CFAP251: variants seen among roughly 807,000 people sequenced by gnomAD.
CFAP251 encodes the protein cilia- and flagella-associated protein 251.
A neutral mutation model predicts 126.7 loss-of-function variants in CFAP251; 93 were observed. The ratio of observed to expected loss-of-function variants is 0.73; its 90% CI spans 0.62 to 0.87. The LOEUF (loss-of-function observed/expected upper bound fraction) is 0.87. CFAP251 is among the 40% of genes least tolerant of loss of function. The pLI, the probability that CFAP251 is intolerant of heterozygous loss-of-function variation, is 0.00. For missense variants in CFAP251, 1,287 were observed against 1,389.2 expected (o/e 0.93, Z 1.17); for synonymous variants, 503 against 506.9 (o/e 0.99, Z 0.10).
At chr12:121,998,435 ATAT>A (rs1565926872) in intron 19 of CFAP251, 4 of 312 alleles carry the variant, frequency 0.013, no homozygotes, top group Admixed American at 0.042. Flanking sequence ...TTAGTGTAAT[ATAT>A]ATATATATAT....
At chr12:121,943,186 G>A (rs1223771543) in intron 7 of CFAP251, among the ~76,000 whole-genome samples, 1 of 152,044 alleles carries the variant, frequency 6.6e-6, no homozygotes, top group East Asian at 2.0e-4. Context: ...GGTGGCACAT[G>A]CCTATAGTCC....
intron 19 of CFAP251, chr12:121,992,364 T>C: frequency 1.0e-6 from 1 of 985,400 alleles, no homozygotes; most frequent in Non-Finnish European, 1.2e-6. Context: ...GTAGTGATTC[T>C]TGATCAGTCA....
intron 10 of CFAP251, among the ~76,000 whole-genome samples, chr12:121,954,609 G>A (rs957430867): frequency 1.0e-4 from 12 of 120,452 alleles, no homozygotes; most frequent in African/African-American, 3.6e-4. Context: ...GCTCCAGACT[G>A]GGTGTTAGAG....
intron 19 of CFAP251, among the ~76,000 whole-genome samples, chr12:121,976,195 G>A (rs1882454596): frequency 6.6e-6 from 1 of 151,910 alleles, no homozygotes; most frequent in Admixed American, 6.6e-5. Context: ...TTTTAGTAGA[G>A]ACGAGGCTTC....
intron 17 of CFAP251, among the ~76,000 whole-genome samples, chr12:121,970,949 T>A (rs853758): frequency 0.88 from 133,722 of 152,240 alleles, 58,900 homozygotes; most frequent in African/African-American, 0.94. Context: ...TACAGCCCCC[T>A]GGCCCCTCTG....
At chr12:121,942,841 C>T in intron 6 of CFAP251, 54 bp from the exon 7 acceptor site, 1 of 1,595,040 alleles carries the variant, frequency 6.3e-7, no homozygotes. Context: ...GTGTAAGTTA[C>T]TTCAGCAGAC....
At chr12:121,944,949 AT>A (rs1447156924) in intron 7 of CFAP251, among the ~76,000 whole-genome samples, 1 of 151,892 alleles carries the variant, frequency 6.6e-6, no homozygotes, top group Non-Finnish European at 1.5e-5. Context: ...TGCCCAGCTA[AT>A]TTTTTAATTT....
At position 121,967,051 on chromosome 12, in the gene CFAP251, GTTTA is replaced by G; in HGVS notation, c.2592_2595del (p.Phe864LeufsTer59). The G allele has an allele frequency of 6.2e-7, 1 of 1,614,172 alleles. No homozygotes were observed. Among genetic ancestry groups the G allele is most frequent in the Non-Finnish European group, 8.5e-7 (1 of 1,180,012 alleles). ...CGGAGCTACAGAAACGCTACTTGGT[GTTTA>G]TTAACAGAGACAAGGTAACAGCGCT... On this transcript the variant is annotated frameshift_variant, in exon 16 of 22. Transcript: ENST00000288912. LOFTEE classifies it high-confidence loss of function.
At chr12:121,969,086 G>C in intron 17 of CFAP251, 1 of 985,336 alleles carries the variant, frequency 1.0e-6, no homozygotes, top group Non-Finnish European at 1.2e-6. Flanking sequence ...TGACGTTGAG[G>C]AGCAAAAACA....
intron 15 of CFAP251, among the ~76,000 whole-genome samples, chr12:121,965,909 T>A (rs1882105317): frequency 6.8e-6 from 1 of 147,340 alleles, no homozygotes; most frequent in Admixed American, 6.9e-5. Flanking sequence ...AGCCTCGACC[T>A]CCCAGGCTCA....
intron 1 of CFAP251, among the ~76,000 whole-genome samples, chr12:121,920,489 C>T (rs1880123529): frequency 2.0e-5 from 3 of 151,802 alleles, no homozygotes; most frequent in Admixed American, 1.3e-4. Flanking sequence ...CTCCGCCTCC[C>T]GGGTTCACAC....
In CFAP251 at chr12:121,920,459, C is replaced by T. The variant is rs1427803717; in HGVS notation, c.-20-827C>T. Reference sequence around the variant, plus strand: ...TTGCCCAGGCTGGAGTGCAGTGGCACGATCTCGGCTCACTGCAAGCTCCGC... The same window carrying T: ...TTGCCCAGGCTGGAGTGCAGTGGCATGATCTCGGCTCACTGCAAGCTCCGC... On this transcript the variant is annotated intron_variant, in intron 1 of 21. Coordinates refer to ENST00000288912, the MANE Select transcript of CFAP251 (RefSeq NM_144668.6). Among the ~76,000 whole-genome samples the T allele has an allele frequency of 1.1e-3, 157 of 149,036 alleles. 4 individuals carry two copies. Among genetic ancestry groups the T allele is most frequent in the East Asian group, 4.1e-4 (2 of 4,870 alleles).
At chr12:121,926,366 A>C (rs1880415379) in intron 3 of CFAP251, among the ~76,000 whole-genome samples, 1 of 150,150 alleles carries the variant, frequency 6.7e-6, no homozygotes, top group Non-Finnish European at 1.5e-5. Flanking sequence ...TCACTCTATC[A>C]CCCAGACTGG....
chr12:121,964,903 A>T (rs1321222050), intron 15 of CFAP251, among the ~76,000 whole-genome samples: 1 of 151,996 alleles, frequency 6.6e-6, no homozygotes, highest in East Asian at 1.9e-4. Context: ...ACTCTGTCTT[A>T]AAAAAAATAA....
chr12:121,997,501 C>T (rs753906488), intron 19 of CFAP251: 2 of 150,370 alleles, frequency 1.3e-5, no homozygotes, highest in Non-Finnish European at 2.9e-5. Flanking sequence ...GAGCGAGATT[C>T]TGTCTCTTAA....
intron 19 of CFAP251, among the ~76,000 whole-genome samples, chr12:121,996,724 G>T (rs1475390821): frequency 1.3e-5 from 2 of 152,248 alleles, no homozygotes; most frequent in South Asian, 2.1e-4. Context: ...ATGGGCTTGG[G>T]CTCTGTAGGA....
At chr12:121,952,240 T>TAAAAAAAAAAAAAAAA (rs558861973) in intron 9 of CFAP251, among the ~76,000 whole-genome samples, 44 of 92,070 alleles carry the variant, frequency 4.8e-4, no homozygotes, top group East Asian at 7.6e-4. Context: ...TCGTTTCTAC[T>TAAAAAAAAAAAAAAAA]AAAAAAAAAA....
chr12:121,965,586 G>GA (rs879320452), intron 15 of CFAP251, among the ~76,000 whole-genome samples: 166 of 148,184 alleles, frequency 1.1e-3, no homozygotes, highest in Non-Finnish European at 1.8e-3. Context: ...TTTTAGAAAA[G>GA]AAAAAAAAAG....
intron 17 of CFAP251, chr12:121,971,693 C>A (rs1882331903): frequency 1.4e-6 from 1 of 696,314 alleles, no homozygotes; most frequent in South Asian, 1.5e-5. Flanking sequence ...CTAAGTCCAC[C>A]CCACACCTTA....
Sources: gnomAD v4.1 joint callset for allele counts (sites outside exome capture counted in the v4.1 genomes callset) on GRCh38, gnomAD v4.1.1 for gene constraint, MANE v1.5 for transcripts, NCBI Gene and HGNC (gene_info 2026-07-23, HGNC 2026-07-21) for gene names.